The following CNTNAP5 variants were observed in gnomAD, a reference collection of about 807,000 sequenced individuals.
CNTNAP5 encodes the protein contactin associated protein family member 5.
In CNTNAP5, 72 loss-of-function variants were observed where a neutral mutation model predicts 150.2. That is an observed-to-expected ratio of 0.48 (90% confidence interval 0.40 to 0.58). The LOEUF (loss-of-function observed/expected upper bound fraction) is 0.58, where lower values mean the gene tolerates loss of function less well. Among genes scored for constraint, CNTNAP5 ranks in the 20% least tolerant of loss-of-function variants. The pLI, the probability that CNTNAP5 is intolerant of heterozygous loss-of-function variation, is 0.00. For missense variants in CNTNAP5, 1,636 were observed against 1,626.2 expected, an observed-to-expected ratio of 1.01 and a Z score of -0.10; for synonymous variants, 672 against 619.8, an observed-to-expected ratio of 1.08 and a Z score of -1.25.
intron 1 of CNTNAP5, among the ~76,000 whole-genome samples, chr2:124,038,181 C>T (rs1213962): frequency 0.24 from 37,227 of 152,152 alleles, 4,877 homozygotes; most frequent in Non-Finnish European, 0.31. Flanking sequence ...GTCCGACTGG[C>T]TTCGGAGGAT....
intron 3 of CNTNAP5, among the ~76,000 whole-genome samples, chr2:124,250,281 A>G (rs1391286626): frequency 1.3e-5 from 2 of 152,064 alleles, no homozygotes; most frequent in Non-Finnish European, 2.9e-5. Context: ...TTTGTAATGA[A>G]ATCTCAGGTG....
chr2:124,493,698 A>G (rs72843181), intron 7 of CNTNAP5, among the ~76,000 whole-genome samples: 13,960 of 152,030 alleles, frequency 0.092, 853 homozygotes, highest in Middle Eastern at 0.24. Context: ...ATTCCTTCCT[A>G]TGTTATAAAT....
chr2:124,789,675 C>T (rs1235316845), intron 17 of CNTNAP5, among the ~76,000 whole-genome samples: 1 of 152,204 alleles, frequency 6.6e-6, no homozygotes, highest in African/African-American at 2.4e-5. Context: ...CTGTTCCTGC[C>T]TTAGTTTGCT....
intron 18 of CNTNAP5, among the ~76,000 whole-genome samples, chr2:124,792,930 C>T (rs1236881470): frequency 6.6e-6 from 1 of 152,120 alleles, no homozygotes; most frequent in Non-Finnish European, 1.5e-5. Context: ...TCCATTCATC[C>T]ATTGGTCAGT....
chr2:124,042,673 G>T (rs910490665), intron 1 of CNTNAP5, among the ~76,000 whole-genome samples: 5 of 152,090 alleles, frequency 3.3e-5, no homozygotes, highest in Non-Finnish European at 5.9e-5. Context: ...ACATCTTTTG[G>T]CAGGGTGCAT....
At chr2:124,528,570 G>A (rs980149595) in intron 10 of CNTNAP5, among the ~76,000 whole-genome samples, 5 of 152,142 alleles carry the variant, frequency 3.3e-5, no homozygotes, top group African/African-American at 9.7e-5. Context: ...TTTCATAGTG[G>A]CATATAAAAT....
intron 21 of CNTNAP5, among the ~76,000 whole-genome samples, chr2:124,879,021 T>G (rs1030682460): frequency 1.4e-4 from 21 of 152,054 alleles, no homozygotes; most frequent in African/African-American, 4.8e-4. Flanking sequence ...AAGAGTTAAC[T>G]AGACCAAAAC....
intron 7 of CNTNAP5, among the ~76,000 whole-genome samples, chr2:124,496,630 G>A (rs560506652): frequency 1.3e-3 from 201 of 152,300 alleles, no homozygotes; most frequent in African/African-American, 4.6e-3. Context: ...TTGAAAAATA[G>A]CCAAGCTAAG....
At chr2:124,322,229 T>C (rs1240340059) in intron 3 of CNTNAP5, among the ~76,000 whole-genome samples, 1 of 152,082 alleles carries the variant, frequency 6.6e-6, no homozygotes, top group Middle Eastern at 3.2e-3. Flanking sequence ...TATAAACCAT[T>C]TTCTTATAGA....
intron 10 of CNTNAP5, among the ~76,000 whole-genome samples, chr2:124,539,505 C>A (rs1219447638): frequency 6.6e-6 from 1 of 152,188 alleles, no homozygotes; most frequent in Admixed American, 6.5e-5. Flanking sequence ...AAAGCCTGTG[C>A]TGTTCATATT....
At chr2:124,610,743 G>A (rs1389982487) in intron 12 of CNTNAP5, among the ~76,000 whole-genome samples, 2 of 152,018 alleles carry the variant, frequency 1.3e-5, no homozygotes, top group African/African-American at 4.8e-5. Flanking sequence ...GGCAGACCAC[G>A]AGGTCAGGAG....
chr2:124,779,340 A>G (rs911652147), intron 17 of CNTNAP5, among the ~76,000 whole-genome samples: 2 of 152,322 alleles, frequency 1.3e-5, no homozygotes, highest in African/African-American at 4.8e-5. Flanking sequence ...GGCCTTTACC[A>G]TAGTTCACTT....
chr2:124,653,911 A>ACCCCCCCCCCCCCCCCCCCCCCC (rs70996088), intron 13 of CNTNAP5, among the ~76,000 whole-genome samples: 7 of 57,480 alleles, frequency 1.2e-4, no homozygotes, highest in Admixed American at 2.1e-4. Context: ...ACTGCCCCCA[A>ACCCCCCCCCCCCCCCCCCCCCCC]CCCCCCCCCC....
Position 124,767,936 on chromosome 2 carries a change from C to T in CNTNAP5, c.2533+3789C>T, listed in dbSNP as rs144546131. On this transcript the variant is annotated intron_variant, in intron 16 of 23. Coordinates refer to ENST00000682447, the MANE Select transcript of CNTNAP5 (RefSeq NM_001367498.1). ...GAAGAATCCCTGCTTTCCAGCCTTA[C>T]GAGCAATCCTCCTGAGAGGCCACTC... 1.7e-3 allele frequency among the ~76,000 whole-genome samples: 261 copies of T among 152,284 alleles called. 2 individuals carry two copies. Among genetic ancestry groups the T allele is most frequent in the African/African-American group, 5.5e-3 (228 of 41,562 alleles).
At chr2:124,889,763 T>G (rs1678155517) in intron 21 of CNTNAP5, among the ~76,000 whole-genome samples, 1 of 152,138 alleles carries the variant, frequency 6.6e-6, no homozygotes, top group South Asian at 2.1e-4. Context: ...GTTTTATTAT[T>G]ATTTCAGATA....
At chr2:124,839,473 C>T (rs1682899062) in intron 19 of CNTNAP5, among the ~76,000 whole-genome samples, 1 of 151,634 alleles carries the variant, frequency 6.6e-6, no homozygotes, top group African/African-American at 2.4e-5. Context: ...CTTTACTCTC[C>T]TATGGCCTCA....
Position 124,647,841 on chromosome 2 carries a change from A to G in CNTNAP5, c.1960A>G (p.Met654Val). 1.9e-6 allele frequency: 3 copies of G among 1,613,562 alleles called. No homozygotes were observed. Among genetic ancestry groups the G allele is most frequent in the East Asian group, 2.2e-5 (1 of 44,840 alleles). Residue 654 changes from methionine to valine, a missense_variant, in exon 13 of 24, where the codon ATG becomes GTG. Coordinates refer to ENST00000682447, the MANE Select transcript of CNTNAP5 (RefSeq NM_001367498.1). ...CGCTAACCCTGAGAAGCCCTATGCC[A>G]TGGCCTTGGACTACGGGGGCAGCAT... is the stretch of plus-strand genomic sequence containing the variant. ...RGANPEKPYA[M>V]ALDYGGSMEQ...
chr2:124,380,435 C>G (rs951089712), intron 3 of CNTNAP5, among the ~76,000 whole-genome samples: 3 of 152,126 alleles, frequency 2.0e-5, no homozygotes, highest in Non-Finnish European at 4.4e-5. Flanking sequence ...CATTTGTACT[C>G]TGGTGAAGAG....
intron 13 of CNTNAP5, among the ~76,000 whole-genome samples, chr2:124,703,939 T>C (rs1314982320): frequency 2.6e-5 from 4 of 152,186 alleles, no homozygotes; most frequent in East Asian, 1.9e-4. Context: ...GATTTAGATA[T>C]GAGTTTTTAA....
Sources: gnomAD v4.1 joint callset for allele counts (sites outside exome capture counted in the v4.1 genomes callset) on GRCh38, gnomAD v4.1.1 for gene constraint, MANE v1.5 for transcripts, NCBI Gene and HGNC (gene_info 2026-07-23, HGNC 2026-07-21) for gene names.